REV3L: variants seen among roughly 807,000 people sequenced by gnomAD.
REV3L encodes the protein DNA polymerase zeta catalytic subunit.
In REV3L, 69 loss-of-function variants were observed where a neutral mutation model predicts 299.4. The observed-to-expected ratio is 0.23, with a 90% CI of 0.19 to 0.28. The LOEUF (loss-of-function observed/expected upper bound fraction) is 0.28, where lower values mean the gene tolerates loss of function less well. REV3L is among the 10% of genes least tolerant of loss of function. The pLI, the probability that REV3L is intolerant of heterozygous loss-of-function variation, is 1.00. For synonymous variants in REV3L, 1,238 were observed against 1,271.4 expected, an observed-to-expected ratio of 0.97 and a Z score of 0.56; for missense variants, 3,128 against 3,693.8, an observed-to-expected ratio of 0.85 and a Z score of 3.97.
chr6:111,387,983 TAATA>T lies in REV3L; in HGVS notation c.947+14_947+17del, dbSNP rs770830242. On this transcript the variant is annotated intron_variant, in intron 8 of 31. Transcript: ENST00000368802. The stretch of plus-strand genomic sequence containing the variant: ...GGAATAAAATTAGTTCTGAGATCTA[TAATA>T]AATAACCACTTACACAGAGAAATCA... 1.2e-6 allele frequency: 2 copies of T among 1,608,196 alleles called. No homozygotes were observed. Among genetic ancestry groups the T allele is most frequent in the South Asian group, 1.1e-5 (1 of 90,798 alleles).
chr6:111,302,448 T>C (rs1191266187), intron 31 of REV3L, among the ~76,000 whole-genome samples: 1 of 152,250 alleles, frequency 6.6e-6, no homozygotes, highest in Non-Finnish European at 1.5e-5. Context: ...GATCCTTTAC[T>C]GGTTTAAACC....
At chr6:111,388,868 C>T (rs1781611709) in intron 7 of REV3L, among the ~76,000 whole-genome samples, 2 of 151,896 alleles carry the variant, frequency 1.3e-5, no homozygotes, top group Admixed American at 1.3e-4. Flanking sequence ...GGACAAGGTA[C>T]ATTAAAAACA....
At chr6:111,331,917 T>C in intron 23 of REV3L, 133 bp from the exon 24 acceptor site, 2 of 613,884 alleles carry the variant, frequency 3.3e-6, no homozygotes, top group Non-Finnish European at 5.7e-6. Context: ...ATGTACTTAG[T>C]AATATGTTTA....
intron 9 of REV3L, among the ~76,000 whole-genome samples, chr6:111,383,792 C>T (rs966160050): frequency 1.3e-5 from 2 of 151,768 alleles, no homozygotes; most frequent in Admixed American, 6.6e-5. Flanking sequence ...CAAAAGATCC[C>T]GAATAACCAA....
chr6:111,446,261 T>C (rs1271177659), intron 1 of REV3L, among the ~76,000 whole-genome samples: 1 of 152,214 alleles, frequency 6.6e-6, no homozygotes, highest in Admixed American at 6.5e-5. Context: ...TGCTCCATAA[T>C]CAATATGATT....
At position 111,426,875 on chromosome 6, in the gene REV3L, T is replaced by C. The variant is rs1179998121; in HGVS notation, c.140-10403A>G. ...TTTCAAGCACAAATCTCCAAGAAAA[T>C]GTGCACCTTTCAGACTAAACGTCAT... On this transcript the variant is annotated intron_variant, in intron 1 of 31. Coordinates refer to ENST00000368802, the MANE Select transcript of REV3L (RefSeq NM_001372078.1). Among the ~76,000 whole-genome samples, 6 of 152,114 alleles carry C rather than the reference T, an allele frequency of 3.9e-5. No homozygotes were observed. The East Asian group carries it at 1.2e-3, about 29-fold the overall frequency.
intron 1 of REV3L, among the ~76,000 whole-genome samples, chr6:111,422,607 T>TTTCTCCCCACTAA (rs1562286891): frequency 5.6e-5 from 1 of 17,882 alleles, no homozygotes; most frequent in African/African-American, 1.9e-4. Context: ...CATATATATA[T>TTTCTCCCCACTAA]ATATACACAT....
At position 111,329,646 on chromosome 6, in the gene REV3L, T is replaced by C. The variant is rs1775190242; in HGVS notation, c.8127A>G (p.Gln2709=). ...CAAGCATTCGTGACAGGGCTCTGTC[T>C]TGCTTGTAAGCCTTCATTGACTGCT... ...MVKQSMKAYK[Q]DRALSRMLDA... The change falls in exon 25 of 32, where the codon CAA becomes CAG. Residue 2709 remains glutamine (Q), a synonymous_variant. Coordinates refer to ENST00000368802, the MANE Select transcript of REV3L (RefSeq NM_001372078.1). 6.2e-7 allele frequency: 1 copy of C among 1,614,138 alleles called. No individual in the cohort carries two copies. Among genetic ancestry groups the C allele is most frequent in the African/African-American group, 1.3e-5 (1 of 75,062 alleles).
chr6:111,377,420 T>A (rs1221463343), intron 12 of REV3L, among the ~76,000 whole-genome samples: 2 of 152,184 alleles, frequency 1.3e-5, no homozygotes, highest in African/African-American at 4.8e-5. Context: ...CACTGCAGCC[T>A]CAAACCCTTG....
At chr6:111,415,152 A>G (rs557014262) in intron 2 of REV3L, among the ~76,000 whole-genome samples, 1 of 152,362 alleles carries the variant, frequency 6.6e-6, no homozygotes, top group Non-Finnish European at 1.5e-5. Flanking sequence ...TTAAGCATGC[A>G]TAAGAATCAT....
At chr6:111,401,039 G>T (rs1486162287) in intron 4 of REV3L, among the ~76,000 whole-genome samples, 1 of 152,084 alleles carries the variant, frequency 6.6e-6, no homozygotes, top group Non-Finnish European at 1.5e-5. Flanking sequence ...TCAAAGTTAA[G>T]TTGACTATAT....
intron 21 of REV3L, among the ~76,000 whole-genome samples, chr6:111,338,359 G>GACTGATCTT (rs1776146165): frequency 1.7e-5 from 1 of 58,538 alleles, no homozygotes; most frequent in African/African-American, 8.0e-5. Flanking sequence ...TTTTAAATAA[G>GACTGATCTT]ACTGATCTTG....
chr6:111,466,919 A>G (rs985477770), intron 1 of REV3L, among the ~76,000 whole-genome samples: 3 of 152,362 alleles, frequency 2.0e-5, no homozygotes, highest in East Asian at 1.9e-4. Context: ...CAGTAAGTCA[A>G]TAATTTGGTA....
chr6:111,391,728 T>C (rs1032027599), intron 5 of REV3L, among the ~76,000 whole-genome samples: 6 of 152,230 alleles, frequency 3.9e-5, no homozygotes, highest in African/African-American at 1.2e-4. Flanking sequence ...ACCTCATCTC[T>C]ACAAAAAATT....
At chr6:111,329,226 T>C (rs1775136639) in intron 25 of REV3L, among the ~76,000 whole-genome samples, 1 of 151,240 alleles carries the variant, frequency 6.6e-6, no homozygotes, top group Admixed American at 6.6e-5. Context: ...GTGTTTTTAG[T>C]AGAGATGGGG....
At chr6:111,446,475 G>A (rs1290123411) in intron 1 of REV3L, among the ~76,000 whole-genome samples, 4 of 152,014 alleles carry the variant, frequency 2.6e-5, no homozygotes, top group African/African-American at 4.8e-5. Context: ...AGGCCGAGGC[G>A]GGTGGATCAC....
chr6:111,312,357 A>G (rs767071810), intron 28 of REV3L: 2 of 152,210 alleles, frequency 1.3e-5, no homozygotes, highest in Admixed American at 6.5e-5. Context: ...CAAACAGTAT[A>G]TAGAATGCTA....
Position 111,376,298 on chromosome 6 carries a change from T to C in REV3L, c.2057A>G (p.Lys686Arg). The change falls in exon 13 of 32, where the codon AAG becomes AGG. Residue 686 changes from lysine (K) to arginine (R), a missense_variant. Lys to Arg is a conservative substitution (Grantham distance 26, BLOSUM62 2). Transcript: ENST00000368802. ...RKYTNIRKIE[K>R]DSPFIHMHRH... ...GTGCATATGTATAAAAGGGGAATCC[T>C]TTTCGATTTTTCTAATGTTTGTATA... The C allele has an allele frequency of 6.2e-7, 1 of 1,613,498 alleles. No homozygotes were observed. The highest frequency in any genetic ancestry group is 8.5e-7 in the Non-Finnish European group (1 of 1,179,798).
intron 4 of REV3L, among the ~76,000 whole-genome samples, chr6:111,403,797 A>C (rs1204947049): frequency 1.3e-5 from 2 of 152,360 alleles, no homozygotes; most frequent in East Asian, 1.9e-4. Context: ...CTTACCAAGG[A>C]AGGCATGTCA....
Sources: gnomAD v4.1 joint callset for allele counts (sites outside exome capture counted in the v4.1 genomes callset) on GRCh38, gnomAD v4.1.1 for gene constraint, MANE v1.5 for transcripts, NCBI Gene and HGNC (gene_info 2026-07-23, HGNC 2026-07-21) for gene names.